TEAD4: variants seen among roughly 807,000 people sequenced by gnomAD.
The protein encoded by TEAD4 is TEA domain transcription factor 4, also known as transcriptional enhancer factor TEF-3.
A neutral mutation model predicts 52.4 loss-of-function variants in TEAD4; 36 were observed. The observed-to-expected ratio is 0.69, with a 90% CI of 0.53 to 0.91. The LOEUF is 0.91. Among genes scored for constraint, TEAD4 ranks in the 40% least tolerant of loss-of-function variants. The pLI is 0.00. For synonymous variants in TEAD4, 220 were observed against 231.0 expected, an observed-to-expected ratio of 0.95 and a Z score of 0.43; for missense variants, 508 against 583.9, an observed-to-expected ratio of 0.87 and a Z score of 1.34.
At chr12:3,022,766 C>T (rs1008925210) in intron 10 of TEAD4, among the ~76,000 whole-genome samples, 5 of 152,102 alleles carry the variant, frequency 3.3e-5, no homozygotes, top group African/African-American at 4.8e-5. Flanking sequence ...ATGAAGCCAG[C>T]GGTGAGGAAG....
chr12:2,994,608 C>A lies in TEAD4; in HGVS notation c.-29-130C>A. 7.9e-7 allele frequency: 1 copy of A among 1,259,490 alleles called. No individual in the cohort carries two copies. The highest frequency in any genetic ancestry group is 1.1e-6 in the Non-Finnish European group (1 of 942,148). The allele number at this position is 1,259,490 out of a possible 1,614,324, so 78.0% of individuals were successfully genotyped here. A position where few individuals can be genotyped will look rare whatever the true frequency, so the allele number is the denominator to read the frequency against. On this transcript the variant is annotated intron_variant, in intron 2 of 12. Transcript: ENST00000359864. The surrounding 1 kb of genome is among the most constrained non-coding windows in gnomAD (Gnocchi z 4.7). The stretch of plus-strand genomic sequence containing the variant: ...TTCAAGACCCCAGGCCTGATTCTCA[C>A]AGATCTTTCACTTCACGCTTTGCTT...
chr12:3,031,322 C>T (rs1231590560), intron 10 of TEAD4, among the ~76,000 whole-genome samples: 1 of 152,210 alleles, frequency 6.6e-6, no homozygotes, highest in Non-Finnish European at 1.5e-5. Flanking sequence ...CGGCATGGCT[C>T]AGGACCCTGG....
intron 10 of TEAD4, 93 bp from the exon 11 acceptor site, chr12:3,037,875 A>G (rs1475323096): frequency 2.0e-6 from 3 of 1,470,402 alleles, no homozygotes; most frequent in African/African-American, 1.4e-5. Flanking sequence ...TCCCAGCCCT[A>G]GAGCCGGGAC....
In TEAD4 at chr12:2,996,861, G is replaced by A. The variant is rs189289025; in HGVS notation, c.226+1869G>A. ...CTCCCGAGTAGTTGGGTCTACAGGC[G>A]TGCGCCACCACGCTCGGCTGATTTT... On this transcript the variant is annotated intron_variant, in intron 3 of 12. Coordinates refer to ENST00000359864, the MANE Select transcript of TEAD4 (RefSeq NM_003213.4). Among the ~76,000 whole-genome samples, 15 of 152,180 alleles carry A rather than the reference G, an allele frequency of 9.9e-5. No homozygotes were observed. In the South Asian group the frequency reaches 1.2e-3, roughly 13 times the overall value.
In TEAD4 at chr12:2,968,658, T is replaced by C. The variant is rs574430339; in HGVS notation, c.-30+8618T>C. Among the ~76,000 whole-genome samples, 28 of 152,008 alleles carry C rather than the reference T, an allele frequency of 1.8e-4. No homozygotes were observed. The South Asian group carries it at 5.8e-3, about 32-fold the overall frequency. On this transcript the variant is annotated intron_variant, in intron 2 of 12. Coordinates refer to ENST00000359864, the MANE Select transcript of TEAD4 (RefSeq NM_003213.4). ...AGGCTGGTGTTTTTTTTGTTTTGTT[T>C]TGTTTTAATAGATAGGATCTTGCTC...
intron 8 of TEAD4, among the ~76,000 whole-genome samples, chr12:3,019,528 CGAGGGGTGTCT>C (rs1591591098): frequency 6.6e-6 from 1 of 152,174 alleles, no homozygotes; most frequent in East Asian, 1.9e-4. Flanking sequence ...CTGGGAGGGC[CGAGGGGTGTCT>C]AGCTCACCAG....
intron 2 of TEAD4, among the ~76,000 whole-genome samples, chr12:2,979,635 C>G (rs921581459): frequency 1.3e-5 from 2 of 152,170 alleles, no homozygotes; most frequent in African/African-American, 4.8e-5. Flanking sequence ...GGCAAACTTG[C>G]AAGTACAAAA....
chr12:3,010,887 G>A (rs553395451), intron 3 of TEAD4, 117 bp from the exon 4 acceptor site: 31 of 1,126,802 alleles, frequency 2.8e-5, no homozygotes, highest in African/African-American at 7.7e-5. Context: ...CCACAAATCC[G>A]CTTAGGATGG....
chr12:3,035,387 C>T (rs375617472), intron 10 of TEAD4, among the ~76,000 whole-genome samples: 12 of 152,220 alleles, frequency 7.9e-5, no homozygotes, highest in South Asian at 2.1e-4. Flanking sequence ...TTCCTGCCAG[C>T]GGCATTTCAG....
In TEAD4 at chr12:3,038,664, C is replaced by G. The variant is rs191172303; in HGVS notation, c.1038+556C>G. Among the ~76,000 whole-genome samples the G allele has an allele frequency of 1.7e-3, 254 of 152,306 alleles. 1 individual carries two copies. In the Middle Eastern group the frequency reaches 0.027, roughly 16 times the overall value. On this transcript the variant is annotated intron_variant, in intron 11 of 12. Coordinates refer to ENST00000359864, the MANE Select transcript of TEAD4 (RefSeq NM_003213.4). ...ATGGTTTCTCCCACTCTGCTAAACC[C>G]CCGGCCAAGGGCAGTGCAGGGCAGT...
At chr12:3,015,141 C>T (rs1398550881) in intron 5 of TEAD4, among the ~76,000 whole-genome samples, 1 of 152,190 alleles carries the variant, frequency 6.6e-6, no homozygotes, top group Non-Finnish European at 1.5e-5. Flanking sequence ...CAGGGACAAA[C>T]CTCATCTATT....
intron 3 of TEAD4, among the ~76,000 whole-genome samples, chr12:2,998,036 G>T (rs2098248624): frequency 6.6e-6 from 1 of 151,996 alleles, no homozygotes; most frequent in Admixed American, 6.6e-5. Flanking sequence ...CTGCCATTCT[G>T]CTTTCTGTCT....
intron 3 of TEAD4, among the ~76,000 whole-genome samples, chr12:3,001,542 C>T (rs1363635450): frequency 3.9e-5 from 6 of 152,258 alleles, no homozygotes; most frequent in East Asian, 1.9e-4. Flanking sequence ...GAGGCCGAGG[C>T]GGGTGAATCA....
chr12:3,002,618 T>C (rs1191445724), intron 3 of TEAD4, among the ~76,000 whole-genome samples: 2 of 152,242 alleles, frequency 1.3e-5, no homozygotes, highest in Admixed American at 6.5e-5. Flanking sequence ...GGAGCATCTT[T>C]CCATGAGGTT....
chr12:3,035,223 A>G (rs1387403977), intron 10 of TEAD4, among the ~76,000 whole-genome samples: 4 of 152,262 alleles, frequency 2.6e-5, no homozygotes, highest in Non-Finnish European at 5.9e-5. Flanking sequence ...AGTTGATTTC[A>G]AAGAATCAGG....
Position 3,040,404 on chromosome 12 carries a change from A to G in TEAD4, c.1231A>G (p.Ile411Val), listed in dbSNP as rs2098282032. 1 of 1,614,082 alleles carries G rather than the reference A, an allele frequency of 6.2e-7. No individual in the cohort carries two copies. The highest frequency in any genetic ancestry group is 2.2e-5 in the East Asian group (1 of 44,872). ...AGACACACAGGAGACCTTGCTGTGC[A>G]TTGCCTATGTCTTTGAGGTGTCAGC... Residue 411 changes from isoleucine (I) to valine (V), a missense_variant, in exon 13 of 13, where the codon ATT becomes GTT. Physicochemically the swap from Ile to Val is conservative, Grantham distance 29 (BLOSUM62 3). Transcript: ENST00000359864.
intron 2 of TEAD4, among the ~76,000 whole-genome samples, chr12:2,993,798 C>G (rs1375230250): frequency 1.3e-5 from 2 of 152,234 alleles, no homozygotes; most frequent in East Asian, 1.9e-4. Flanking sequence ...GCTTAGATAC[C>G]TCGTCAGCGG....
intron 3 of TEAD4, among the ~76,000 whole-genome samples, chr12:3,005,855 C>G (rs1390105933): frequency 6.6e-6 from 1 of 152,048 alleles, no homozygotes; most frequent in African/African-American, 2.4e-5. Flanking sequence ...CCAGGCTGAT[C>G]TTGAATTCCT....
rs556290771 is a variant in TEAD4, at chr12:2,975,888, G to A, written c.-30+15848G>A. On this transcript the variant is annotated intron_variant, in intron 2 of 12. Coordinates refer to ENST00000359864, the MANE Select transcript of TEAD4 (RefSeq NM_003213.4). ...AACCATTGATCTTTTGACTGTCCCT[G>A]TAGTTTTGCCTTTTCTAGAATGTCA... Among the ~76,000 whole-genome samples the A allele has an allele frequency of 2.0e-4, 30 of 152,246 alleles. 1 individual carries two copies. The South Asian group carries it at 6.0e-3, about 30-fold the overall frequency.
Sources: allele counts gnomAD v4.1 joint callset (sites outside exome capture counted in the v4.1 genomes callset), GRCh38; gene constraint gnomAD v4.1.1; non-coding constraint Gnocchi (gnomAD v3.1); transcripts MANE v1.5; gene names NCBI Gene and HGNC (gene_info 2026-07-23, HGNC 2026-07-21).